The following LUC7L2 variants were observed in gnomAD, a reference collection of about 807,000 sequenced individuals.
LUC7L2 encodes putative RNA-binding protein Luc7-like 2.
LUC7L2 carries 25 observed loss-of-function variants against 52.8 expected under a neutral mutation model. That is an observed-to-expected ratio of 0.47 (90% CI 0.34 to 0.66). The LOEUF (loss-of-function observed/expected upper bound fraction) is 0.66. Among genes scored for constraint, LUC7L2 ranks in the 30% least tolerant of loss-of-function variants. The pLI, the probability that LUC7L2 is intolerant of heterozygous loss-of-function variation, is 0.01. For missense variants in LUC7L2, 328 were observed against 497.8 expected, an observed-to-expected ratio of 0.66 and a Z score of 3.25; for synonymous variants, 144 against 160.9, an observed-to-expected ratio of 0.89 and a Z score of 0.80.
At chr7:139,381,659 C>T (rs1414019546) in intron 2 of LUC7L2, among the ~76,000 whole-genome samples, 1 of 151,832 alleles carries the variant, frequency 6.6e-6, no homozygotes. Flanking sequence ...TCACTGCAAC[C>T]TCCCACTCCC....
chr7:139,390,250 A>AT (rs574854750), intron 2 of LUC7L2, among the ~76,000 whole-genome samples: 2,053 of 141,816 alleles, frequency 0.014, 18 homozygotes, highest in Middle Eastern at 0.022. Context: ...TTTTTTTCTT[A>AT]TTTTTTTTTT....
intron 3 of LUC7L2, among the ~76,000 whole-genome samples, chr7:139,400,299 A>G (rs1794850820): frequency 6.6e-6 from 1 of 152,156 alleles, no homozygotes; most frequent in Non-Finnish European, 1.5e-5. Flanking sequence ...ACCTAAGGTC[A>G]GTAGTTCAAG....
At chr7:139,386,748 C>A (rs1259069924) in intron 2 of LUC7L2, among the ~76,000 whole-genome samples, 1 of 151,912 alleles carries the variant, frequency 6.6e-6, no homozygotes, top group Non-Finnish European at 1.5e-5. Context: ...AACCTTTAGG[C>A]AAGACCTAAA....
chr7:139,364,481 C>A (rs73472671), intron 1 of LUC7L2, among the ~76,000 whole-genome samples: 2 of 151,990 alleles, frequency 1.3e-5, no homozygotes, highest in African/African-American at 2.4e-5. Context: ...TTAAAACTTT[C>A]AATAATTTTA....
upstream of LUC7L2, chr7:139,359,771 C>G (rs1799760405): frequency 5.0e-6 from 2 of 400,884 alleles, no homozygotes; most frequent in Admixed American, 4.4e-5. Flanking sequence ...GGGAGGAGCG[C>G]GCGTGCACGC....
At chr7:139,409,920 A>G (rs1180624306) in intron 7 of LUC7L2, among the ~76,000 whole-genome samples, 2 of 152,220 alleles carry the variant, frequency 1.3e-5, no homozygotes, top group Non-Finnish European at 2.9e-5. Flanking sequence ...ATTTATAACA[A>G]AATCCAGCCG....
chr7:139,384,149 T>C (rs1232534969), intron 2 of LUC7L2, among the ~76,000 whole-genome samples: 1 of 152,090 alleles, frequency 6.6e-6, no homozygotes, highest in Non-Finnish European at 1.5e-5. Context: ...CCATAAATGG[T>C]TTATTTTGGG....
At chr7:139,369,935 G>A (rs1355084424) in intron 1 of LUC7L2, among the ~76,000 whole-genome samples, 1 of 152,206 alleles carries the variant, frequency 6.6e-6, no homozygotes, top group African/African-American at 2.4e-5. Context: ...TGGAGGAAAG[G>A]AAAGCTGCTT....
At chr7:139,367,438 AG>A (rs1292179282) in intron 1 of LUC7L2, among the ~76,000 whole-genome samples, 1 of 152,244 alleles carries the variant, frequency 6.6e-6, no homozygotes, top group Non-Finnish European at 1.5e-5. Context: ...CTTGTCACTT[AG>A]GGTTCCTGTG....
chr7:139,359,832 T>C (rs1263902774), upstream of LUC7L2: 5 of 406,504 alleles, frequency 1.2e-5, no homozygotes, highest in Non-Finnish European at 1.7e-5. Context: ...GGCGGAGTGA[T>C]ACAGCTGGAC....
At position 139,422,322 on chromosome 7, in the gene LUC7L2, C is replaced by T. The variant is rs370867945; in HGVS notation, c.1161C>T (p.Arg387=). The T allele has an allele frequency of 2.6e-5, 42 of 1,612,228 alleles. 1 individual carries two copies. The highest frequency in any genetic ancestry group is 1.8e-4 in the East Asian group (8 of 44,876). The stretch of plus-strand genomic sequence containing the variant: ...AAGACAGGAGGAGCTCTGAAGAGCG[C>T]GAAGCAGGGGAGATCTAACTAGCTG... The part of the protein sequence containing the change: ...RSEDRRSSEE[R]EAGEI Residue 387 remains arginine, a synonymous_variant, in exon 10 of 10, where the codon CGC becomes CGT. Transcript: ENST00000354926.
In LUC7L2 at chr7:139,405,035, G is replaced by A. The variant is rs538870459; in HGVS notation, c.367-609G>A. 2.0e-5 allele frequency among the ~76,000 whole-genome samples: 3 copies of A among 152,344 alleles called. No homozygotes were observed. The East Asian group carries it at 5.8e-4, about 29-fold the overall frequency. ...GGAAATACAGATAGCTGTCCTTAAA[G>A]TAGTATGATATTTATGAAAGGAACT... is the stretch of plus-strand genomic sequence containing the variant. On this transcript the variant is annotated intron_variant, in intron 4 of 9. Transcript: ENST00000354926.
chr7:139,340,691 T>C (rs539006580), intron 1 of LUC7L2: 29 of 393,014 alleles, frequency 7.4e-5, no homozygotes, highest in South Asian at 4.3e-4. Context: ...GAGCGCGTCG[T>C]TTGCAGAAGC....
intron 2 of LUC7L2, among the ~76,000 whole-genome samples, chr7:139,396,205 A>C (rs1411214952): frequency 6.6e-6 from 1 of 152,060 alleles, no homozygotes; most frequent in East Asian, 1.9e-4. Flanking sequence ...TGGGAGGCTG[A>C]AGTGGGAGGA....
chr7:139,385,468 C>T (rs186921173), intron 2 of LUC7L2, among the ~76,000 whole-genome samples: 174 of 151,982 alleles, frequency 1.1e-3, no homozygotes, highest in African/African-American at 4.1e-3. Flanking sequence ...ACTGCAGGCT[C>T]ATGCCACCAT....
intron 8 of LUC7L2, chr7:139,417,251 G>GGCT (rs1422741672): frequency 6.6e-6 from 2 of 304,246 alleles, no homozygotes; most frequent in African/African-American, 4.2e-5. Context: ...ATGTTGCCTA[G>GGCT]GCTGGTCTTG....
At chr7:139,385,124 C>G (rs1472215047) in intron 2 of LUC7L2, among the ~76,000 whole-genome samples, 2 of 151,962 alleles carry the variant, frequency 1.3e-5, no homozygotes, top group Non-Finnish European at 1.5e-5. Flanking sequence ...TACAGATATA[C>G]GTTCATATGG....
At chr7:139,413,118 G>A (rs946599938) in intron 8 of LUC7L2, among the ~76,000 whole-genome samples, 2 of 152,174 alleles carry the variant, frequency 1.3e-5, no homozygotes, top group African/African-American at 4.8e-5. Flanking sequence ...CTTTCAGAGA[G>A]GCATTTGCAG....
At chr7:139,401,528 C>T (rs1794916222) in intron 3 of LUC7L2, among the ~76,000 whole-genome samples, 3 of 152,184 alleles carry the variant, frequency 2.0e-5, no homozygotes, top group Admixed American at 1.3e-4. Context: ...TCTTGGCTCA[C>T]TGCAACCTCA....
Sources: allele counts gnomAD v4.1 joint callset (sites outside exome capture counted in the v4.1 genomes callset), GRCh38; gene constraint gnomAD v4.1.1; transcripts MANE v1.5; gene names NCBI Gene and HGNC (gene_info 2026-07-23, HGNC 2026-07-21).